Variants in RNF17 observed in about 807,000 individuals in gnomAD.
The protein encoded by RNF17 is spermatogenesis associated 23.
In RNF17, 31 loss-of-function variants were observed where a neutral mutation model predicts 200.5. The ratio of observed to expected loss-of-function variants is 0.15; its 90% CI spans 0.12 to 0.21. RNF17 has a LOEUF of 0.21. Among genes scored for constraint, RNF17 ranks in the 10% least tolerant of loss-of-function variants. The pLI, the probability that RNF17 is intolerant of heterozygous loss-of-function variation, is 1.00. For missense variants in RNF17, 1,628 were observed against 1,905.1 expected (o/e 0.85, Z 2.71); for synonymous variants, 606 against 637.8 (o/e 0.95, Z 0.75).
chr13:24,835,209 C>G (rs1298308301), intron 18 of RNF17, among the ~76,000 whole-genome samples: 1 of 152,006 alleles, frequency 6.6e-6, no homozygotes, highest in Non-Finnish European at 1.5e-5. Context: ...ACACCTAACC[C>G]TGCCCCCACC....
intron 15 of RNF17, among the ~76,000 whole-genome samples, chr13:24,813,665 C>T (rs1051210034): frequency 2.6e-5 from 4 of 151,886 alleles, no homozygotes; most frequent in African/African-American, 9.7e-5. Context: ...AGGTCCAGCA[C>T]TGTTGCTTAG....
chr13:24,817,491 G>C (rs1424151562), intron 15 of RNF17, among the ~76,000 whole-genome samples: 1 of 152,140 alleles, frequency 6.6e-6, no homozygotes, highest in East Asian at 1.9e-4. Context: ...GGCCGAGCCA[G>C]GTGGATCACT....
intron 18 of RNF17, among the ~76,000 whole-genome samples, chr13:24,833,669 A>G (rs1183715271): frequency 6.6e-6 from 1 of 152,208 alleles, no homozygotes; most frequent in African/African-American, 2.4e-5. Flanking sequence ...TAGCTGTGGC[A>G]TAGTTATTAA....
In RNF17 at chr13:24,872,391, C is replaced by T. The variant is rs1464958331; in HGVS notation, c.4447+1652C>T. Among the ~76,000 whole-genome samples, 9 of 152,286 alleles carry T rather than the reference C, an allele frequency of 5.9e-5. No homozygotes were observed. The East Asian group carries it at 1.7e-3, about 29-fold the overall frequency. ...AAGTAGAATTCTCTGTGAAATTACA[C>T]AGAAAGCATATGACATAAGGAAGTA... On this transcript the variant is annotated intron_variant, in intron 32 of 35. Transcript: ENST00000255324.
chr13:24,879,175 TTTTAA>T lies in RNF17; in HGVS notation c.4774-8_4774-4del, dbSNP rs756950163. On this transcript the variant is annotated splice_region_variant and splice_polypyrimidine_tract_variant and intron_variant, in intron 34 of 35. Transcript: ENST00000255324. Reference sequence around the variant, plus strand: ...TTACTGTTTTCTTGACAACTGTATCTTTTAATTTTAGGCTCCAGCACCAGAACAGA... The same window carrying T: ...TTACTGTTTTCTTGACAACTGTATCTTTTTAGGCTCCAGCACCAGAACAGA... 1.3e-5 allele frequency: 21 copies of T among 1,600,868 alleles called. 1 individual carries two copies. Among genetic ancestry groups the T allele is most frequent in the Non-Finnish European group, 1.7e-5 (20 of 1,168,316 alleles).
intron 30 of RNF17, among the ~76,000 whole-genome samples, chr13:24,866,493 C>G (rs1420141297): frequency 3.9e-5 from 6 of 152,208 alleles, no homozygotes; most frequent in Non-Finnish European, 7.4e-5. Context: ...TATGGATTTG[C>G]TTATCCTGTG....
intron 29 of RNF17, among the ~76,000 whole-genome samples, chr13:24,865,613 T>G (rs1057194982): frequency 1.9e-4 from 29 of 152,336 alleles, no homozygotes; most frequent in African/African-American, 6.5e-4. Context: ...GCAGTCTACT[T>G]GTTAGACTCT....
chr13:24,750,472 T>A, the RNF17 span, among the ~76,000 whole-genome samples: 1 of 152,200 alleles, frequency 6.6e-6, no homozygotes, highest in African/African-American at 2.4e-5. Context: ...CACTACACAT[T>A]TCCACCCCAG....
At chr13:24,885,573 A>ATTT in the RNF17 span, 5 of 1,314,760 alleles carry the variant, frequency 3.8e-6, no homozygotes, top group Non-Finnish European at 5.5e-6. Context: ...TAAGTAATGT[A>ATTT]TGTTTGAAGA....
intron 15 of RNF17, chr13:24,824,264 A>G (rs1332407618): frequency 8.5e-6 from 6 of 703,820 alleles, no homozygotes; most frequent in African/African-American, 7.1e-5. Context: ...TGGAAGAAGA[A>G]CTTAAAGCTT....
chr13:24,789,376 A>T lies in RNF17; in HGVS notation c.812A>T (p.Asp271Val). The T allele has an allele frequency of 6.2e-7, 1 of 1,604,660 alleles. No individual in the cohort carries two copies. The highest frequency in any genetic ancestry group is 8.5e-7 in the Non-Finnish European group (1 of 1,173,106). The change falls in exon 8 of 36, where the codon GAT (aspartate) becomes GTT (valine). Residue 271 changes from aspartate to valine, a missense_variant. Asp to Val is a radical substitution (Grantham distance 152). This residue lies in a region of RNF17 where 502 missense variants were observed against 501.7 expected (regional missense o/e 1.00). Transcript: ENST00000255324. ...ATCCGGACTTTGCAGTTAACTTCAG[A>T]TAGTGAATTAGCACAAGTTAGTTCT... Reference protein sequence around the residue: ...QIIRTLQLTSDSELAQVSSPQ... With the variant: ...QIIRTLQLTSVSELAQVSSPQ...
intron 18 of RNF17, among the ~76,000 whole-genome samples, chr13:24,838,700 C>G (rs962094313): frequency 6.6e-6 from 1 of 152,070 alleles, no homozygotes; most frequent in African/African-American, 2.4e-5. Context: ...TATGACAAAC[C>G]CACAGCCAAC....
chr13:24,799,483 C>T lies in RNF17; in HGVS notation c.1488C>T (p.Thr496=). The change falls in exon 12 of 36, where the codon ACC becomes ACT. Residue 496 remains threonine, a synonymous_variant. Transcript: ENST00000255324. ...TELIPIEGRN[T]RKPCSPTRLF... is the part of the protein sequence containing the mutation. ...TAATTCCAATAGAGGGTAGAAATAC[C>T]AGAAAACCTTGTAGTCCAACCAGAT... The T allele has an allele frequency of 6.2e-7, 1 of 1,609,520 alleles. No homozygotes were observed. The highest frequency in any genetic ancestry group is 8.5e-7 in the Non-Finnish European group (1 of 1,176,304).
intron 15 of RNF17, among the ~76,000 whole-genome samples, chr13:24,811,251 C>G (rs1435789812): frequency 2.0e-5 from 3 of 151,734 alleles, no homozygotes; most frequent in African/African-American, 7.3e-5. Flanking sequence ...CAACTTGGTT[C>G]CATTCTCCCC....
chr13:24,838,212 A>G (rs1487939437), intron 18 of RNF17, among the ~76,000 whole-genome samples: 1 of 151,916 alleles, frequency 6.6e-6, no homozygotes, highest in Non-Finnish European at 1.5e-5. Flanking sequence ...AATTACCAAC[A>G]AAAAAAAGGA....
At chr13:24,812,838 C>T (rs931481830) in intron 15 of RNF17, among the ~76,000 whole-genome samples, 40 of 152,018 alleles carry the variant, frequency 2.6e-4, no homozygotes, top group African/African-American at 8.7e-4. Flanking sequence ...CCTGCCACCA[C>T]GCCTGGCTAA....
At chr13:24,782,633 T>C (rs940181931) in intron 6 of RNF17, among the ~76,000 whole-genome samples, 5 of 151,828 alleles carry the variant, frequency 3.3e-5, no homozygotes, top group South Asian at 2.1e-4. Flanking sequence ...GCTCAGGAGT[T>C]TGAGACCAGT....
At position 24,793,105 on chromosome 13, in the gene RNF17, A is replaced by C. The variant is rs898822977; in HGVS notation, c.999A>C (p.Glu333Asp). 2 of 1,602,570 alleles carry C rather than the reference A, an allele frequency of 1.2e-6. No individual in the cohort carries two copies. The highest frequency in any genetic ancestry group is 3.5e-5 in the Admixed American group (2 of 57,588). The change falls in exon 10 of 36, where the codon GAA (glutamate) becomes GAC (aspartate). Residue 333 changes from glutamate (E) to aspartate (D), a missense_variant. Physicochemically the swap from Glu to Asp is conservative, Grantham distance 45. Coordinates refer to ENST00000255324, the MANE Select transcript of RNF17 (RefSeq NM_031277.3). ...NVQKKYNNKK[E>D]LSCYDTYPPL... ...AAAAGAAATATAATAACAAAAAGGA[A>C]CTTTCTTGTTACGATACATACCCAC...
chr13:24,883,356 G>GTT, downstream of RNF17: 1 of 1,606,390 alleles, frequency 6.2e-7, no homozygotes, highest in Admixed American at 1.7e-5. Context: ...AACTCTATGA[G>GTT]TTTGTTGCCA....
Sources: gnomAD v4.1 joint callset for allele counts (sites outside exome capture counted in the v4.1 genomes callset) on GRCh38, gnomAD v4.1.1 for gene constraint, gnomAD v4.1.1 regional missense constraint, MANE v1.5 for transcripts, NCBI Gene and HGNC (gene_info 2026-07-23, HGNC 2026-07-21) for gene names.